RANBP2: variants seen among roughly 807,000 people sequenced by gnomAD.
RANBP2 encodes the protein E3 SUMO-protein ligase RanBP2.
In RANBP2, 57 loss-of-function variants were observed where a neutral mutation model predicts 303.6. The ratio of observed to expected loss-of-function variants is 0.19; its 90% CI spans 0.15 to 0.23. RANBP2 has a LOEUF of 0.23. Among genes scored for constraint, RANBP2 ranks in the 10% least tolerant of loss-of-function variants. The pLI is 1.00. For synonymous variants in RANBP2, 1,167 were observed against 1,301.5 expected (o/e 0.90, Z 2.23); for missense variants, 3,138 against 3,780.8 (o/e 0.83, Z 4.46).
At chr2:109,131,299 CTGGGGGTCACT>C in the RANBP2 span, among the ~76,000 whole-genome samples, 1 of 151,970 alleles carries the variant, frequency 6.6e-6, no homozygotes, top group Admixed American at 6.6e-5. Flanking sequence ...AGGATAGTCA[CTGGGGGTCACT>C]TGGGGGGCAC....
the RANBP2 span, among the ~76,000 whole-genome samples, chr2:109,155,636 G>A: frequency 6.6e-6 from 1 of 152,134 alleles, no homozygotes. Context: ...TTGGCTATTT[G>A]TGATTTATTT....
the RANBP2 span, among the ~76,000 whole-genome samples, chr2:109,521,687 C>T: frequency 1.3e-5 from 2 of 152,182 alleles, no homozygotes; most frequent in East Asian, 1.9e-4. Flanking sequence ...GCTGGCTGGA[C>T]GTGTCACCTG....
the RANBP2 span, among the ~76,000 whole-genome samples, chr2:108,926,271 T>C: frequency 6.6e-6 from 1 of 152,196 alleles, no homozygotes; most frequent in Non-Finnish European, 1.5e-5. Flanking sequence ...AATTTGCTAC[T>C]TTTTGATCCA....
the RANBP2 span, among the ~76,000 whole-genome samples, chr2:109,216,279 T>C: frequency 2.6e-5 from 4 of 152,202 alleles, no homozygotes; most frequent in African/African-American, 9.6e-5. Context: ...TAGCCCTGAC[T>C]TAAAGGGAAG....
the RANBP2 span, among the ~76,000 whole-genome samples, chr2:109,299,204 AC>A: frequency 6.6e-5 from 10 of 152,224 alleles, no homozygotes; most frequent in Admixed American, 2.0e-4. Flanking sequence ...TAAAACTGCG[AC>A]CCTGCCTCCC....
chr2:109,501,542 G>A, the RANBP2 span: 16 of 779,440 alleles, frequency 2.1e-5, no homozygotes, highest in South Asian at 9.4e-5. Flanking sequence ...AGAGTGAGGC[G>A]GAGATCGAGC....
chr2:109,188,443 T>G, the RANBP2 span, among the ~76,000 whole-genome samples: 1 of 152,298 alleles, frequency 6.6e-6, no homozygotes, highest in South Asian at 2.1e-4. Context: ...ACACAACAGG[T>G]GTGGATGAAG....
the RANBP2 span, among the ~76,000 whole-genome samples, chr2:109,249,844 T>G: frequency 5.3e-5 from 8 of 151,660 alleles, 1 homozygote; most frequent in East Asian, 1.2e-3. Flanking sequence ...TATTTATTTA[T>G]TTTTTAATTT....
chr2:109,165,670 C>T, the RANBP2 span, among the ~76,000 whole-genome samples: 1 of 152,158 alleles, frequency 6.6e-6, no homozygotes, highest in Non-Finnish European at 1.5e-5. Context: ...ACACTTGGAG[C>T]CCACATAGCA....
At chr2:109,101,378 TCAGA>T in the RANBP2 span, among the ~76,000 whole-genome samples, 1 of 151,578 alleles carries the variant, frequency 6.6e-6, no homozygotes, top group African/African-American at 2.4e-5. Flanking sequence ...ATACAAAAAA[TCAGA>T]CAGAGGTGGT....
the RANBP2 span, among the ~76,000 whole-genome samples, chr2:109,604,154 T>C: frequency 8.8e-6 from 1 of 114,104 alleles, no homozygotes; most frequent in African/African-American, 3.8e-5. Context: ...AGAGCGAGAC[T>C]CTGCCTCAAA....
At chr2:108,722,984 T>C (rs544073085) in intron 1 of RANBP2, among the ~76,000 whole-genome samples, 18 of 152,070 alleles carry the variant, frequency 1.2e-4, no homozygotes, top group South Asian at 2.1e-4. Context: ...TCTGTCAAGT[T>C]GATTTCTTAT....
At chr2:109,551,379 T>A in the RANBP2 span, among the ~76,000 whole-genome samples, 6 of 152,224 alleles carry the variant, frequency 3.9e-5, no homozygotes, top group African/African-American at 1.4e-4. Context: ...AAAACTAAGA[T>A]TCATGCTATA....
the RANBP2 span, among the ~76,000 whole-genome samples, chr2:109,411,120 G>A: frequency 1.3e-5 from 2 of 152,230 alleles, no homozygotes; most frequent in African/African-American, 4.8e-5. Flanking sequence ...GGTTGGAGCT[G>A]GAGGCAAGGA....
At chr2:109,733,032 G>A in the RANBP2 span, 2,686 of 572,104 alleles carry the variant, frequency 4.7e-3, 10 homozygotes, top group Non-Finnish European at 6.4e-3. Context: ...CTTCCACCTC[G>A]TCGCAGACCT....
the RANBP2 span, among the ~76,000 whole-genome samples, chr2:109,475,825 T>C: frequency 1.3e-5 from 2 of 152,348 alleles, no homozygotes; most frequent in African/African-American, 4.8e-5. Flanking sequence ...GTCAGCACTC[T>C]GGGGCCTGGC....
the RANBP2 span, among the ~76,000 whole-genome samples, chr2:109,261,209 C>G: frequency 3.3e-5 from 5 of 152,182 alleles, no homozygotes; most frequent in Middle Eastern, 3.4e-3. Flanking sequence ...TTTGTAGTTG[C>G]ATAGGTGTAA....
the RANBP2 span, among the ~76,000 whole-genome samples, chr2:109,469,153 G>T: frequency 1.3e-5 from 2 of 152,156 alleles, no homozygotes; most frequent in Non-Finnish European, 2.9e-5. Flanking sequence ...AAGAATGCGG[G>T]CCCCCTGCAG....
the RANBP2 span, among the ~76,000 whole-genome samples, chr2:109,763,605 A>AT: frequency 1.3e-3 from 194 of 150,262 alleles, 9 homozygotes; most frequent in Admixed American, 3.7e-3. Flanking sequence ...AAAATTAAAA[A>AT]TTTGAAAATA....
Sources: allele counts gnomAD v4.1 joint callset (sites outside exome capture counted in the v4.1 genomes callset), GRCh38; gene constraint gnomAD v4.1.1; transcripts MANE v1.5; gene names NCBI Gene and HGNC (gene_info 2026-07-23, HGNC 2026-07-21).